USP13: variants seen among roughly 807,000 people sequenced by gnomAD.
USP13 encodes ubiquitin carboxyl-terminal hydrolase 13.
A neutral mutation model predicts 107.8 loss-of-function variants in USP13; 68 were observed. The ratio of observed to expected loss-of-function variants is 0.63; its 90% confidence interval spans 0.52 to 0.77. USP13 has a LOEUF of 0.77. USP13 is among the 30% of genes least tolerant of loss of function. The pLI is 0.00. For synonymous variants in USP13, 377 were observed against 389.5 expected (o/e 0.97, Z 0.38); for missense variants, 945 against 1,093.3 (o/e 0.86, Z 1.91).
rs186893717 is a variant in USP13 at position 179,754,434 on chromosome 3, A to G, written c.1799-298A>G. 4.1e-4 allele frequency among the ~76,000 whole-genome samples: 63 copies of G among 152,336 alleles called. 2 individuals are homozygous for G. The East Asian group carries it at 0.012, about 29-fold the overall frequency. ...TGGAATTTGTTGTCCACACTTTTAA[A>G]ATATCAAACAGATTGTGTCTGGGCC... On this transcript the variant is annotated intron_variant, in intron 14 of 20. Transcript: ENST00000263966.
intron 19 of USP13, among the ~76,000 whole-genome samples, chr3:179,775,129 G>A (rs1378399441): frequency 6.6e-6 from 1 of 151,960 alleles, no homozygotes; most frequent in Non-Finnish European, 1.5e-5. Context: ...GCTAGATACA[G>A]TGCTGATTGG....
intron 4 of USP13, 28 bp downstream of exon 4, chr3:179,701,157 A>T (rs1448290160): frequency 7.4e-7 from 1 of 1,346,604 alleles, no homozygotes; most frequent in Admixed American, 2.0e-5. Flanking sequence ...GCTGCTAGCT[A>T]GATGCGCATG....
At chr3:179,683,906 ACTATTC>A (rs1374234295) in intron 2 of USP13, among the ~76,000 whole-genome samples, 3 of 152,288 alleles carry the variant, frequency 2.0e-5, no homozygotes. Context: ...CAGTTGTTTC[ACTATTC>A]ATAGAGCAGT....
At chr3:179,723,597 T>A (rs1053818132) in intron 8 of USP13, among the ~76,000 whole-genome samples, 3 of 152,196 alleles carry the variant, frequency 2.0e-5, no homozygotes, top group South Asian at 2.1e-4. Flanking sequence ...GAGAATTTAG[T>A]ATTTGAATCT....
At position 179,754,773 on chromosome 3, in the gene USP13, C is replaced by A. The variant is rs1195254101; in HGVS notation, c.1840C>A (p.Leu614Ile). 4.3e-6 allele frequency: 7 copies of A among 1,613,716 alleles called. No homozygotes were observed. Among genetic ancestry groups the A allele is most frequent in the Non-Finnish European group, 5.9e-6 (7 of 1,179,860 alleles). ...DMPDLLDINHLRARGLQPGEE... is the reference protein window; with the variant it reads ...DMPDLLDINHIRARGLQPGEE... ...GCCAGACCTACTTGATATCAACCAT[C>A]TCCGAGCCAGGGGGTTACAGCCAGG... The change falls in exon 15 of 21, where the codon CTC (leucine) becomes ATC (isoleucine). Residue 614 changes from leucine (L) to isoleucine (I), a missense_variant. Leu to Ile is a conservative substitution (Grantham distance 5, BLOSUM62 2). Transcript: ENST00000263966.
At chr3:179,689,098 T>C (rs1300886922) in intron 2 of USP13, among the ~76,000 whole-genome samples, 3 of 152,176 alleles carry the variant, frequency 2.0e-5, no homozygotes, top group Non-Finnish European at 2.9e-5. Flanking sequence ...GAGGACAAAC[T>C]GAGAAGCAGA....
intron 19 of USP13, among the ~76,000 whole-genome samples, chr3:179,769,164 AATTAACATGTG>A (rs1047336325): frequency 2.0e-5 from 3 of 152,172 alleles, no homozygotes; most frequent in Non-Finnish European, 2.9e-5. Flanking sequence ...CCTTTAATGT[AATTAACATGTG>A]ATTAACATGT....
At chr3:179,669,090 G>A (rs1720667935) in intron 1 of USP13, among the ~76,000 whole-genome samples, 1 of 152,116 alleles carries the variant, frequency 6.6e-6, no homozygotes, top group South Asian at 2.1e-4. Flanking sequence ...AGAACCATTA[G>A]GAGTTGTCCT....
intron 1 of USP13, among the ~76,000 whole-genome samples, chr3:179,675,402 G>A (rs866696658): frequency 6.6e-6 from 1 of 151,782 alleles, no homozygotes; most frequent in Middle Eastern, 3.4e-3. Flanking sequence ...CTGCATTTTT[G>A]TATCTCCTGT....
In USP13 at chr3:179,785,356, C is replaced by G. The variant is rs1715889876; in HGVS notation, c.*1215C>G. On this transcript the variant is annotated 3_prime_UTR_variant, in exon 21 of 21. Coordinates refer to ENST00000263966, the MANE Select transcript of USP13 (RefSeq NM_003940.3). ...ACTAAGGATTTTAGATGCAAAGAAA[C>G]TTTATACAACATTATGAAAGACTAT... The G allele has an allele frequency of 6.6e-6, 1 of 152,130 alleles. No homozygotes were observed. Among genetic ancestry groups the G allele is most frequent in the Admixed American group, 6.6e-5 (1 of 15,266 alleles). 9.4% of individuals were successfully genotyped at this position (152,130 alleles called of 1,614,324 possible).
chr3:179,684,270 T>TACACACACACAC lies in USP13; in HGVS notation c.294+2299_294+2310dup, dbSNP rs58817778. Among the ~76,000 whole-genome samples the TACACACACACAC allele has an allele frequency of 1.9e-3, 219 of 116,018 alleles. 2 individuals are homozygous for TACACACACACAC. Among genetic ancestry groups the TACACACACACAC allele is most frequent in the African/African-American group, 4.2e-3 (128 of 30,124 alleles). The allele number at this position is 116,018 out of a possible 152,430, so 76.1% of individuals were successfully genotyped here. On this transcript the variant is annotated intron_variant, in intron 2 of 20. Transcript: ENST00000263966. ...CACCACGCCTGGCAGTATCACCCTT[T>TACACACACACAC]ACACACACACACACACACACACACA...
intron 19 of USP13, among the ~76,000 whole-genome samples, chr3:179,766,244 C>T (rs528779688): frequency 2.4e-4 from 37 of 152,064 alleles, no homozygotes; most frequent in Admixed American, 5.2e-4. Flanking sequence ...TCCCAAAGTG[C>T]TGGGATTACA....
At chr3:179,752,128 G>T (rs1428859894) in intron 13 of USP13, among the ~76,000 whole-genome samples, 157 bp from the exon 14 acceptor site, 2 of 152,222 alleles carry the variant, frequency 1.3e-5, no homozygotes, top group East Asian at 3.8e-4. Context: ...GAGAGCGAAT[G>T]TGTGTCCACT....
At position 179,765,597 on chromosome 3, in the gene USP13, C is replaced by T; in HGVS notation, c.2260-98C>T. ...CTTAGGACTAATTAATTCAGACCTCCTTCCCTATCTGCCTGACATCTAGTT... is the reference window on the plus strand; with the variant it reads ...CTTAGGACTAATTAATTCAGACCTCTTTCCCTATCTGCCTGACATCTAGTT... On this transcript the variant is annotated intron_variant, in intron 18 of 20. Coordinates refer to ENST00000263966, the MANE Select transcript of USP13 (RefSeq NM_003940.3). The T allele has an allele frequency of 2.8e-6, 4 of 1,437,868 alleles. No individual in the cohort carries two copies. The South Asian group carries it at 4.2e-5, about 15-fold the overall frequency. The allele number at this position is 1,437,868 out of a possible 1,614,324, so 89.1% of individuals were successfully genotyped here. A position where few individuals can be genotyped will look rare whatever the true frequency, so the allele number is the denominator to read the frequency against.
At chr3:179,673,924 C>T (rs1237743384) in intron 1 of USP13, among the ~76,000 whole-genome samples, 14 of 152,148 alleles carry the variant, frequency 9.2e-5, no homozygotes. Flanking sequence ...CGGAGTTTCG[C>T]TCTTGTTGCC....
At chr3:179,703,945 T>A (rs997196493) in intron 4 of USP13, among the ~76,000 whole-genome samples, 2 of 152,224 alleles carry the variant, frequency 1.3e-5, no homozygotes, top group African/African-American at 4.8e-5. Context: ...AATTTAAAGC[T>A]GGACTCTTAT....
At chr3:179,664,110 T>C (rs1720522931) in intron 1 of USP13, among the ~76,000 whole-genome samples, 1 of 151,568 alleles carries the variant, frequency 6.6e-6, no homozygotes, top group Non-Finnish European at 1.5e-5. Flanking sequence ...AGCCTGCATC[T>C]TTTCTGATTT....
chr3:179,730,129 T>G, intron 8 of USP13, 60 bp from the exon 9 acceptor site: 2 of 1,485,532 alleles, frequency 1.3e-6, no homozygotes, highest in African/African-American at 1.4e-5. Context: ...TTTGATGGCT[T>G]GTTTTGGTTC....
At chr3:179,664,130 GT>G (rs113908086) in intron 1 of USP13, among the ~76,000 whole-genome samples, 7,071 of 143,888 alleles carry the variant, frequency 0.049, 257 homozygotes, top group African/African-American at 0.099. Context: ...TTCTGGGTGT[GT>G]TTTTTTTTTT....
Sources: allele counts gnomAD v4.1 joint callset (sites outside exome capture counted in the v4.1 genomes callset), GRCh38; gene constraint gnomAD v4.1.1; transcripts MANE v1.5; gene names NCBI Gene and HGNC (gene_info 2026-07-23, HGNC 2026-07-21).